DYNC1I1: variants seen among roughly 807,000 people sequenced by gnomAD.
DYNC1I1 encodes dynein cytoplasmic 1 intermediate chain 1.
In DYNC1I1, 43 loss-of-function variants were observed where a neutral mutation model predicts 86.6. That is an observed-to-expected ratio of 0.50 (90% CI 0.39 to 0.64). The LOEUF is 0.64. DYNC1I1 is among the 30% of genes least tolerant of loss of function. The pLI is 0.00. For synonymous variants in DYNC1I1, 262 were observed against 283.7 expected (o/e 0.92, Z 0.77); for missense variants, 604 against 788.8 (o/e 0.77, Z 2.81).
intron 6 of DYNC1I1, among the ~76,000 whole-genome samples, chr7:95,969,139 A>C (rs1793099467): frequency 6.6e-6 from 1 of 152,110 alleles, no homozygotes; most frequent in Non-Finnish European, 1.5e-5. Context: ...ATTTATTTGG[A>C]TTATCATTAT....
intron 6 of DYNC1I1, among the ~76,000 whole-genome samples, chr7:95,972,839 C>T (rs1018821965): frequency 1.3e-5 from 2 of 152,106 alleles, no homozygotes; most frequent in Non-Finnish European, 2.9e-5. Context: ...CATTCTTAGA[C>T]CTCTGAAAAT....
At chr7:95,879,866 A>C (rs1021655000) in intron 6 of DYNC1I1, among the ~76,000 whole-genome samples, 20 of 152,142 alleles carry the variant, frequency 1.3e-4, no homozygotes, top group African/African-American at 4.3e-4. Context: ...TAATTGTCCA[A>C]CATTTTTTGA....
intron 6 of DYNC1I1, among the ~76,000 whole-genome samples, chr7:95,967,998 A>G (rs1465987341): frequency 6.6e-6 from 1 of 152,184 alleles, no homozygotes; most frequent in African/African-American, 2.4e-5. Context: ...AGACTAGGCC[A>G]AGGAACTCAG....
At chr7:96,085,719 GACA>G (rs1187405401) in intron 16 of DYNC1I1, among the ~76,000 whole-genome samples, 16 of 152,182 alleles carry the variant, frequency 1.1e-4, no homozygotes, top group African/African-American at 3.9e-4. Flanking sequence ...TACTTACATA[GACA>G]GTGGTTGCAT....
At chr7:95,802,425 T>C (rs1230180210) in intron 1 of DYNC1I1, among the ~76,000 whole-genome samples, 3 of 152,220 alleles carry the variant, frequency 2.0e-5, no homozygotes, top group Non-Finnish European at 2.9e-5. Flanking sequence ...AGAGAGAAGT[T>C]GGCATTAGTT....
intron 14 of DYNC1I1, among the ~76,000 whole-genome samples, chr7:96,060,280 C>G (rs1789727191): frequency 6.6e-6 from 1 of 152,112 alleles, no homozygotes; most frequent in Admixed American, 6.5e-5. Flanking sequence ...GGTCTCTTCC[C>G]CCAAGTCTCT....
chr7:95,837,268 G>A (rs1409222653), intron 5 of DYNC1I1, among the ~76,000 whole-genome samples: 2 of 151,862 alleles, frequency 1.3e-5, no homozygotes, highest in African/African-American at 4.8e-5. Context: ...GTGCCTCCCA[G>A]TTAGGCTGCT....
chr7:96,096,827 T>C (rs1791023658), intron 16 of DYNC1I1, among the ~76,000 whole-genome samples: 1 of 152,168 alleles, frequency 6.6e-6, no homozygotes, highest in Middle Eastern at 3.2e-3. Context: ...ATTTAATCTT[T>C]CTGTGCCTCT....
At chr7:95,808,443 A>C (rs1794753097) in intron 2 of DYNC1I1, among the ~76,000 whole-genome samples, 1 of 152,124 alleles carries the variant, frequency 6.6e-6, no homozygotes, top group Non-Finnish European at 1.5e-5. Context: ...TTTGGATGTC[A>C]ACTGCTTTCT....
chr7:96,016,094 T>C (rs1485013285), intron 10 of DYNC1I1, among the ~76,000 whole-genome samples: 1 of 152,134 alleles, frequency 6.6e-6, no homozygotes, highest in Non-Finnish European at 1.5e-5. Flanking sequence ...TTGTTGGGCG[T>C]AGGTCTTCAC....
At chr7:95,913,427 G>A (rs932273169) in intron 6 of DYNC1I1, among the ~76,000 whole-genome samples, 1 of 152,132 alleles carries the variant, frequency 6.6e-6, no homozygotes, top group South Asian at 2.1e-4. Flanking sequence ...AGGTGCCATG[G>A]ATGGGACCCT....
At chr7:95,776,928 T>C (rs1405667865) in intron 1 of DYNC1I1, among the ~76,000 whole-genome samples, 1 of 152,202 alleles carries the variant, frequency 6.6e-6, no homozygotes, top group Non-Finnish European at 1.5e-5. Context: ...AACAAGGAGA[T>C]GCTTGGAGGG....
intron 14 of DYNC1I1, among the ~76,000 whole-genome samples, chr7:96,063,099 GTA>G (rs201506783): frequency 0.062 from 8,620 of 139,708 alleles, 381 homozygotes; most frequent in African/African-American, 0.14. Context: ...GTGTGTGTGT[GTA>G]TATATATGTG....
chr7:95,861,912 A>C (rs1343048704), intron 5 of DYNC1I1, among the ~76,000 whole-genome samples: 2 of 152,196 alleles, frequency 1.3e-5, no homozygotes, highest in Non-Finnish European at 2.9e-5. Context: ...ATCAATATTC[A>C]TGACAGAAGC....
intron 15 of DYNC1I1, among the ~76,000 whole-genome samples, chr7:96,079,114 CAT>C (rs1476161387): frequency 6.6e-6 from 1 of 151,760 alleles, no homozygotes; most frequent in African/African-American, 2.4e-5. Context: ...TAAGTTTAAA[CAT>C]AGATTCTTAT....
At chr7:96,045,383 G>A (rs1391638391) in intron 14 of DYNC1I1, among the ~76,000 whole-genome samples, 1 of 152,172 alleles carries the variant, frequency 6.6e-6, no homozygotes, top group East Asian at 1.9e-4. Context: ...AGGTGCTGGT[G>A]TGTTGTGGGC....
intron 16 of DYNC1I1, among the ~76,000 whole-genome samples, chr7:96,084,552 A>G (rs1790622974): frequency 6.7e-6 from 1 of 148,688 alleles, no homozygotes; most frequent in African/African-American, 2.5e-5. Flanking sequence ...CCTCCTAAGT[A>G]TCTGGGATTA....
intron 6 of DYNC1I1, among the ~76,000 whole-genome samples, chr7:95,873,291 G>C (rs1790221092): frequency 6.6e-6 from 1 of 152,138 alleles, no homozygotes; most frequent in African/African-American, 2.4e-5. Context: ...AGGGACATTT[G>C]TTTGATTTGC....
At chr7:95,813,454 A>G in intron 4 of DYNC1I1, 117 bp downstream of exon 4, 3 of 1,281,946 alleles carry the variant, frequency 2.3e-6, no homozygotes, top group Admixed American at 2.8e-5. Flanking sequence ...GTGTACTTGG[A>G]CATCTTATGT....
Sources: gnomAD v4.1 joint callset for allele counts (sites outside exome capture counted in the v4.1 genomes callset) on GRCh38, gnomAD v4.1.1 for gene constraint, MANE v1.5 for transcripts, NCBI Gene and HGNC (gene_info 2026-07-23, HGNC 2026-07-21) for gene names.